Variants in PTPRT observed in about 807,000 individuals in gnomAD.
PTPRT encodes the protein receptor-type tyrosine-protein phosphatase T.
Under a neutral mutation model 176.8 loss-of-function variants are expected in PTPRT, and 56 were observed. The ratio of observed to expected loss-of-function variants is 0.32; its 90% CI spans 0.26 to 0.40. PTPRT has a LOEUF of 0.40. Among genes scored for constraint, PTPRT ranks in the 10% least tolerant of loss-of-function variants. The pLI is 1.00. For synonymous variants in PTPRT, 783 were observed against 739.0 expected (o/e 1.06, Z -0.96); for missense variants, 1,540 against 1,908.2 (o/e 0.81, Z 3.60).
Position 42,110,441 on chromosome 20 carries a change from C to A in PTPRT, c.3146G>T (p.Ser1049Ile). Residue 1049 changes from serine to isoleucine, a missense_variant, in exon 23 of 31, where the codon AGC (serine) becomes ATC (isoleucine). By Grantham distance (142) the Ser-to-Ile change is moderately radical. Coordinates refer to ENST00000373187, the MANE Select transcript of PTPRT (RefSeq NM_007050.6). ...GCAGGGAACGCCGTGGTCAGGCCAG[C>A]TGGTGAAGTGGAAGAGGCGGAGCTC... ...IRELRLFHFT[S>I]WPDHGVPCYA... 1 of 1,611,974 alleles carries A rather than the reference C, an allele frequency of 6.2e-7. No individual in the cohort carries two copies. The highest frequency in any genetic ancestry group is 1.1e-5 in the South Asian group (1 of 90,874).
chr20:43,064,180 G>C (rs546148339), intron 1 of PTPRT, among the ~76,000 whole-genome samples: 17 of 152,166 alleles, frequency 1.1e-4, no homozygotes, highest in Non-Finnish European at 2.2e-4. Flanking sequence ...TCTAGCAGAT[G>C]AAAGGTAGAC....
In PTPRT at chr20:42,531,152, A is replaced by G. The variant is rs892540230; in HGVS notation, c.1154-58590T>C. Among the ~76,000 whole-genome samples the G allele has an allele frequency of 2.6e-5, 4 of 152,300 alleles. No homozygotes were observed. In the East Asian group the frequency reaches 7.7e-4, roughly 29 times the overall value. The stretch of plus-strand genomic sequence containing the variant: ...AATTTCCGGAGTTAATATATACTGA[A>G]GTGCCAATGGTGGTTTTCTTCAGGG... On this transcript the variant is annotated intron_variant, in intron 7 of 30. Coordinates refer to ENST00000373187, the MANE Select transcript of PTPRT (RefSeq NM_007050.6).
At chr20:43,173,720 G>A (rs527821431) in intron 1 of PTPRT, among the ~76,000 whole-genome samples, 1 of 152,286 alleles carries the variant, frequency 6.6e-6, no homozygotes, top group African/African-American at 2.4e-5. Context: ...CTATATCTAG[G>A]GGCTCAACCT....
At chr20:42,723,689 GGAGATCCCAGC>G (rs1397983167) in intron 6 of PTPRT, among the ~76,000 whole-genome samples, 2 of 152,176 alleles carry the variant, frequency 1.3e-5, no homozygotes, top group Non-Finnish European at 2.9e-5. Flanking sequence ...TAAATTCAGA[GGAGATCCCAGC>G]AAGATGCCAC....
chr20:42,087,554 ATTC>A (rs2146133750), intron 27 of PTPRT, among the ~76,000 whole-genome samples: 1 of 149,362 alleles, frequency 6.7e-6, no homozygotes, highest in East Asian at 2.1e-4. Flanking sequence ...GCCATAAATT[ATTC>A]TTTAAGCTTC....
At chr20:42,941,588 C>T (rs1980555666) in intron 1 of PTPRT, among the ~76,000 whole-genome samples, 1 of 152,194 alleles carries the variant, frequency 6.6e-6, no homozygotes, top group African/African-American at 2.4e-5. Context: ...AGCTCAGTTG[C>T]TATGGCTTCT....
chr20:42,827,594 T>C (rs762016767), intron 2 of PTPRT, among the ~76,000 whole-genome samples: 5 of 152,186 alleles, frequency 3.3e-5, no homozygotes, highest in Non-Finnish European at 7.4e-5. Context: ...AATGCCCTTA[T>C]GTGGTTTGGC....
At chr20:42,217,840 G>A (rs919974080) in intron 15 of PTPRT, among the ~76,000 whole-genome samples, 3 of 152,234 alleles carry the variant, frequency 2.0e-5, no homozygotes, top group Non-Finnish European at 4.4e-5. Context: ...TTAGGTAAAT[G>A]TAACAGTTTA....
chr20:42,743,460 C>T (rs976610628), intron 6 of PTPRT, among the ~76,000 whole-genome samples: 1 of 152,148 alleles, frequency 6.6e-6, no homozygotes, highest in African/African-American at 2.4e-5. Context: ...ATTCTAGGAA[C>T]CTTGTGATTC....
At chr20:42,444,789 C>T (rs947878125) in intron 9 of PTPRT, among the ~76,000 whole-genome samples, 3 of 152,112 alleles carry the variant, frequency 2.0e-5, no homozygotes, top group Admixed American at 2.0e-4. Context: ...CAACTAGAAC[C>T]TAATTTTAAA....
intron 7 of PTPRT, among the ~76,000 whole-genome samples, chr20:42,631,593 G>A (rs1313347288): frequency 6.6e-6 from 1 of 152,144 alleles, no homozygotes; most frequent in African/African-American, 2.4e-5. Context: ...CTAACCTGCT[G>A]GGGAGCTCTA....
At chr20:43,125,688 A>G (rs2013412171) in intron 1 of PTPRT, among the ~76,000 whole-genome samples, 1 of 152,206 alleles carries the variant, frequency 6.6e-6, no homozygotes, top group Non-Finnish European at 1.5e-5. Context: ...TCTTTGCAGG[A>G]CTGGCCAACT....
chr20:42,603,999 G>C (rs1396777667), intron 7 of PTPRT, among the ~76,000 whole-genome samples: 1 of 152,126 alleles, frequency 6.6e-6, no homozygotes, highest in Non-Finnish European at 1.5e-5. Flanking sequence ...ATTTGTAGAA[G>C]CAAATCCAAT....
chr20:42,522,132 C>T (rs962385953), intron 7 of PTPRT, among the ~76,000 whole-genome samples: 1 of 149,880 alleles, frequency 6.7e-6, no homozygotes, highest in African/African-American at 2.5e-5. Context: ...CTTAGCCTGT[C>T]TTGTAACTTT....
intron 8 of PTPRT, among the ~76,000 whole-genome samples, chr20:42,461,106 T>A (rs1157390833): frequency 6.6e-6 from 1 of 152,158 alleles, no homozygotes; most frequent in Non-Finnish European, 1.5e-5. Flanking sequence ...GGCCAGTGGA[T>A]CACCTGAGGT....
Position 42,104,700 on chromosome 20 carries a change from G to A in PTPRT, c.3409C>T (p.His1137Tyr). 1.3e-6 allele frequency: 2 copies of A among 1,585,310 alleles called. No individual in the cohort carries two copies. Among genetic ancestry groups the A allele is most frequent in the Non-Finnish European group, 1.7e-6 (2 of 1,153,686 alleles). Reference protein sequence around the residue: ...VQTEEQYVFVHDAILEACLCG... With the variant: ...VQTEEQYVFVYDAILEACLCG... ...AGGCACGCTTCCAGGATGGCATCGT[G>A]CACAAACACATATTGCTCCTGCAAA... is the stretch of plus-strand genomic sequence containing the variant. The change falls in exon 25 of 31, where the codon CAC becomes TAC. Residue 1137 changes from histidine to tyrosine, a missense_variant. Coordinates refer to ENST00000373187, the MANE Select transcript of PTPRT (RefSeq NM_007050.6).
intron 1 of PTPRT, among the ~76,000 whole-genome samples, chr20:43,160,261 A>C (rs373117431): frequency 6.6e-6 from 1 of 152,144 alleles, no homozygotes; most frequent in East Asian, 1.9e-4. Context: ...GGCATCCAAC[A>C]GCCGGAATAA....
chr20:42,740,841 C>T (rs2076598327), intron 6 of PTPRT, among the ~76,000 whole-genome samples: 1 of 152,168 alleles, frequency 6.6e-6, no homozygotes. Context: ...CCAAGAACTT[C>T]TTCCTGGGAT....
At chr20:42,805,872 G>A (rs1346981422) in intron 2 of PTPRT, among the ~76,000 whole-genome samples, 1 of 151,982 alleles carries the variant, frequency 6.6e-6, no homozygotes, top group Non-Finnish European at 1.5e-5. Context: ...GTGGACCGGT[G>A]CTTCTCATCT....
Sources: allele counts gnomAD v4.1 joint callset (sites outside exome capture counted in the v4.1 genomes callset), GRCh38; gene constraint gnomAD v4.1.1; transcripts MANE v1.5; gene names NCBI Gene and HGNC (gene_info 2026-07-23, HGNC 2026-07-21).